Variants in SLC36A1 observed in about 807,000 individuals in gnomAD.
The protein encoded by SLC36A1 is solute carrier family 36 member 1, also known as proton-coupled amino acid transporter 1.
SLC36A1 carries 30 observed loss-of-function variants against 47.5 expected under a neutral mutation model. The observed-to-expected ratio is 0.63, with a 90% confidence interval of 0.47 to 0.86. The LOEUF is 0.86. SLC36A1 is among the 40% of genes least tolerant of loss of function. SLC36A1 has a pLI of 0.00. For missense variants in SLC36A1, 517 were observed against 606.0 expected (o/e 0.85, Z 1.54); for synonymous variants, 255 against 249.7 (o/e 1.02, Z -0.20).
rs776401064 is a variant in SLC36A1, at chr5:151,458,801, G to T, written c.9G>T (p.Thr3=). The change falls in exon 2 of 11, where the codon ACG becomes ACT. Residue 3 remains threonine (T), a synonymous_variant. Transcript: ENST00000243389. MS[T]QRLRNEDYHD... The stretch of plus-strand genomic sequence containing the variant: ...CTGTCCCCCCAGCTGCCATGTCCAC[G>T]CAGAGACTTCGGAATGAAGACTACC... The T allele has an allele frequency of 1.2e-6, 2 of 1,613,826 alleles. No homozygotes were observed. The highest frequency in any genetic ancestry group is 1.7e-6 in the Non-Finnish European group (2 of 1,179,836).
the SLC36A1 span, chr5:151,509,798 A>G: frequency 1.9e-6 from 1 of 534,646 alleles, no homozygotes; most frequent in South Asian, 3.1e-5. Flanking sequence ...TCCTGAAACC[A>G]TCTCCCGTTT....
intron 10 of SLC36A1, among the ~76,000 whole-genome samples, chr5:151,487,355 C>T (rs540990490): frequency 6.6e-6 from 1 of 152,340 alleles, no homozygotes; most frequent in Admixed American, 6.5e-5. Context: ...CTGGCTCACC[C>T]GTGGCTGAGT....
intron 3 of SLC36A1, among the ~76,000 whole-genome samples, 164 bp from the exon 4 acceptor site, chr5:151,464,350 A>G (rs1249812049): frequency 1.3e-5 from 2 of 152,196 alleles, no homozygotes; most frequent in Non-Finnish European, 2.9e-5. Context: ...TCACAGAGCT[A>G]ATCTCCATGA....
chr5:151,547,862 T>C, the SLC36A1 span, among the ~76,000 whole-genome samples: 1 of 152,166 alleles, frequency 6.6e-6, no homozygotes, highest in Non-Finnish European at 1.5e-5. Flanking sequence ...AATCATTCTT[T>C]TGGGGTGATG....
At chr5:151,536,309 GT>G in the SLC36A1 span, among the ~76,000 whole-genome samples, 1 of 152,132 alleles carries the variant, frequency 6.6e-6, no homozygotes, top group Non-Finnish European at 1.5e-5. Context: ...ACCTGCCTGG[GT>G]CCCTCTGCCT....
the SLC36A1 span, among the ~76,000 whole-genome samples, chr5:151,535,624 C>T: frequency 2.0e-5 from 3 of 152,274 alleles, no homozygotes; most frequent in African/African-American, 7.2e-5. Flanking sequence ...TTTCTGAGTT[C>T]TGTGAGCTGT....
chr5:151,399,483 CT>C, the SLC36A1 span, among the ~76,000 whole-genome samples: 1 of 151,982 alleles, frequency 6.6e-6, no homozygotes, highest in African/African-American at 2.4e-5. Flanking sequence ...ATACTTTGTT[CT>C]TTTTGTGATT....
the SLC36A1 span, among the ~76,000 whole-genome samples, chr5:151,509,109 G>A: frequency 6.6e-6 from 1 of 152,202 alleles, no homozygotes; most frequent in Non-Finnish European, 1.5e-5. Flanking sequence ...TGGCAGTGGG[G>A]TTCCAGGCAC....
At chr5:151,392,071 A>G in the SLC36A1 span, among the ~76,000 whole-genome samples, 2 of 152,140 alleles carry the variant, frequency 1.3e-5, no homozygotes, top group Non-Finnish European at 2.9e-5. Context: ...TTATTGCCTC[A>G]ATTTCAGAGC....
upstream of SLC36A1, among the ~76,000 whole-genome samples, chr5:151,446,246 A>C (rs1752911406): frequency 6.6e-6 from 1 of 152,174 alleles, no homozygotes; most frequent in Non-Finnish European, 1.5e-5. Context: ...GTTTCGAAGC[A>C]TAGGACTGGG....
At chr5:151,492,835 C>T (rs559588564), downstream of SLC36A1, among the ~76,000 whole-genome samples, 204 of 152,274 alleles carry the variant, frequency 1.3e-3, no homozygotes, top group African/African-American at 4.7e-3. Context: ...AGTATAAAGG[C>T]CTTTAGAACA....
the SLC36A1 span, among the ~76,000 whole-genome samples, chr5:151,403,501 T>A: frequency 1.3e-5 from 2 of 152,198 alleles, no homozygotes; most frequent in African/African-American, 4.8e-5. Flanking sequence ...GCTTGTGCTC[T>A]TTCCGTGTGA....
chr5:151,463,665 G>A (rs747611793), intron 3 of SLC36A1, 22 bp downstream of exon 3: 5 of 1,592,118 alleles, frequency 3.1e-6, no homozygotes, highest in Non-Finnish European at 3.4e-6. Context: ...CATCAGTGGA[G>A]AGGAGTGGTG....
chr5:151,362,885 G>T, the SLC36A1 span, among the ~76,000 whole-genome samples: 3 of 152,084 alleles, frequency 2.0e-5, no homozygotes, highest in African/African-American at 2.4e-5. Flanking sequence ...GTGCTCTTTT[G>T]AATGTTTTAT....
chr5:151,349,942 G>A, the SLC36A1 span, among the ~76,000 whole-genome samples: 38,732 of 152,050 alleles, frequency 0.25, 5,344 homozygotes, highest in African/African-American at 0.32. Context: ...TATGGAGTGG[G>A]AATAATTGCT....
rs761210248 is a variant in SLC36A1, at chr5:151,476,977, A to T, written c.989+221A>T. ...TGAAGCCATTGGTGCTGATCAGCCG[A>T]TGGGTAAGCCATTTCTCCTTGGAAT... is the stretch of plus-strand genomic sequence containing the variant. On this transcript the variant is annotated intron_variant, in intron 9 of 10. Coordinates refer to ENST00000243389, the MANE Select transcript of SLC36A1 (RefSeq NM_078483.4). The T allele has an allele frequency of 1.8e-5, 12 of 677,018 alleles. No individual in the cohort carries two copies. In the East Asian group the frequency reaches 3.5e-4, roughly 20 times the overall value. 41.9% of individuals were successfully genotyped at this position (677,018 alleles called of 1,614,324 possible). A position where few individuals can be genotyped will look rare whatever the true frequency, so the allele number is the denominator to read the frequency against.
At chr5:151,482,052 A>ATT (rs1758867620) in intron 10 of SLC36A1, among the ~76,000 whole-genome samples, 2 of 152,188 alleles carry the variant, frequency 1.3e-5, no homozygotes, top group African/African-American at 4.8e-5. Context: ...TCAGAAACCT[A>ATT]TTTCTGAAGA....
intron 10 of SLC36A1, among the ~76,000 whole-genome samples, chr5:151,486,777 C>T (rs1230433748): frequency 1.3e-5 from 2 of 152,174 alleles, no homozygotes. Flanking sequence ...TGTAGCCCAG[C>T]AGTAGGAAAG....
At chr5:151,355,678 G>T in the SLC36A1 span, among the ~76,000 whole-genome samples, 3,045 of 152,224 alleles carry the variant, frequency 0.02, 109 homozygotes, top group African/African-American at 0.07. Flanking sequence ...ATATACTGAC[G>T]TGGAGGGAGA....
Sources: allele counts gnomAD v4.1 joint callset (sites outside exome capture counted in the v4.1 genomes callset), GRCh38; gene constraint gnomAD v4.1.1; transcripts MANE v1.5; gene names NCBI Gene and HGNC (gene_info 2026-07-23, HGNC 2026-07-21).